Variants in MTA3 observed in about 807,000 individuals in gnomAD.
The protein encoded by MTA3 is metastasis-associated protein MTA3.
A neutral mutation model predicts 83.5 loss-of-function variants in MTA3; 34 were observed. The observed-to-expected ratio is 0.41, with a 90% confidence interval of 0.31 to 0.54. The LOEUF (loss-of-function observed/expected upper bound fraction) is 0.54. Ranked by LOEUF, MTA3 falls within the 20% of genes least tolerant of loss-of-function variation. The pLI is 0.33. For missense variants in MTA3, 761 were observed against 726.4 expected (o/e 1.05, Z -0.55); for synonymous variants, 303 against 252.7 (o/e 1.20, Z -1.89).
At chr2:42,543,543 G>A (rs187424623) in intron 2 of MTA3, among the ~76,000 whole-genome samples, 4 of 152,116 alleles carry the variant, frequency 2.6e-5, no homozygotes, top group Non-Finnish European at 4.4e-5. Flanking sequence ...GGAGAGCAGT[G>A]GCAATTATAG....
chr2:42,510,366 C>T (rs1353660806), intron 2 of MTA3, among the ~76,000 whole-genome samples: 1 of 151,214 alleles, frequency 6.6e-6, no homozygotes, highest in Non-Finnish European at 1.5e-5. Context: ...TGGCCCCAAT[C>T]CTGGGTCAAT....
At chr2:42,596,765 T>C (rs972550208) in intron 3 of MTA3, among the ~76,000 whole-genome samples, 1 of 152,228 alleles carries the variant, frequency 6.6e-6, no homozygotes, top group Non-Finnish European at 1.5e-5. Flanking sequence ...TAATTTGTGG[T>C]CTGGAAGAAT....
chr2:42,505,314 C>T (rs756790368), intron 2 of MTA3, among the ~76,000 whole-genome samples: 4 of 152,130 alleles, frequency 2.6e-5, no homozygotes, highest in Non-Finnish European at 5.9e-5. Flanking sequence ...ATCGCTTGAA[C>T]CTGGTAGGCG....
At chr2:42,695,571 G>A (rs569139427) in intron 9 of MTA3, among the ~76,000 whole-genome samples, 194 bp from the exon 10 acceptor site, 2 of 128,700 alleles carry the variant, frequency 1.6e-5, no homozygotes, top group South Asian at 5.2e-4. Flanking sequence ...GGAAGCGGAG[G>A]TTGCTGTGAG....
At chr2:42,571,163 AGGGG>A (rs1188040520) in intron 2 of MTA3, among the ~76,000 whole-genome samples, 2 of 151,204 alleles carry the variant, frequency 1.3e-5, no homozygotes, top group Non-Finnish European at 3.0e-5. Flanking sequence ...GAGGCCAAGG[AGGGG>A]GTGGATCACT....
At chr2:42,501,593 G>A (rs1371938425) in intron 2 of MTA3, among the ~76,000 whole-genome samples, 3 of 152,130 alleles carry the variant, frequency 2.0e-5, no homozygotes, top group Non-Finnish European at 2.9e-5. Context: ...ATGCAGTAAA[G>A]TCAAACACTG....
At chr2:42,664,157 TGAA>T (rs1158969738) in intron 8 of MTA3, among the ~76,000 whole-genome samples, 1 of 152,178 alleles carries the variant, frequency 6.6e-6, no homozygotes, top group East Asian at 1.9e-4. Flanking sequence ...GAGGCAGCAC[TGAA>T]GAAGATGTGT....
chr2:42,707,874 C>A (rs768352848), intron 12 of MTA3, 29 bp from the exon 13 acceptor site: 8 of 1,485,106 alleles, frequency 5.4e-6, no homozygotes, highest in African/African-American at 1.4e-5. Context: ...TAGCATTTTT[C>A]GTTTTTTCTT....
intron 8 of MTA3, among the ~76,000 whole-genome samples, chr2:42,673,230 A>G (rs1394724551): frequency 6.6e-6 from 1 of 152,140 alleles, no homozygotes; most frequent in East Asian, 1.9e-4. Flanking sequence ...CTGCTTGGAA[A>G]AAAAGAATGT....
At chr2:42,551,930 G>T (rs575316279) in intron 2 of MTA3, among the ~76,000 whole-genome samples, 1 of 152,016 alleles carries the variant, frequency 6.6e-6, no homozygotes, top group African/African-American at 2.4e-5. Context: ...GTTTCACCAT[G>T]TTGGCCAAGA....
intron 9 of MTA3, 27 bp downstream of exon 9, chr2:42,682,616 A>C: frequency 5.1e-6 from 8 of 1,567,564 alleles, no homozygotes; most frequent in Non-Finnish European, 7.0e-6. Context: ...GAGTAAAATA[A>C]AATGTTGAGA....
intron 2 of MTA3, among the ~76,000 whole-genome samples, chr2:42,577,108 AT>A (rs1558451082): frequency 0.018 from 720 of 40,608 alleles, 7 homozygotes; most frequent in African/African-American, 0.046. Flanking sequence ...AAAAAAAAAT[AT>A]ATATATATAT....
chr2:42,639,412 G>C (rs1238996762), intron 4 of MTA3, among the ~76,000 whole-genome samples: 1 of 152,078 alleles, frequency 6.6e-6, no homozygotes, highest in Non-Finnish European at 1.5e-5. Flanking sequence ...ATTTCTATTA[G>C]TTATACGGAT....
At chr2:42,504,226 A>G (rs1674526095) in intron 2 of MTA3, among the ~76,000 whole-genome samples, 1 of 150,544 alleles carries the variant, frequency 6.6e-6, no homozygotes, top group Non-Finnish European at 1.5e-5. Context: ...TACCACACCC[A>G]GCCATGAACC....
chr2:42,497,742 C>T (rs140069698), intron 2 of MTA3, among the ~76,000 whole-genome samples: 120 of 152,204 alleles, frequency 7.9e-4, no homozygotes, highest in African/African-American at 2.7e-3. Flanking sequence ...TACCTACATC[C>T]AAAGGGGTAA....
At chr2:42,738,476 C>T (rs6743490) in intron 16 of MTA3, among the ~76,000 whole-genome samples, 83,264 of 152,032 alleles carry the variant, frequency 0.55, 23,489 homozygotes, top group Middle Eastern at 0.67. Context: ...GTCTTTACTT[C>T]AATCTCTTAA....
intron 4 of MTA3, among the ~76,000 whole-genome samples, chr2:42,615,201 G>T (rs922566017): frequency 6.6e-6 from 1 of 151,030 alleles, no homozygotes; most frequent in African/African-American, 2.4e-5. Flanking sequence ...TGAGGCAGGA[G>T]AATTGCTTGA....
intron 4 of MTA3, among the ~76,000 whole-genome samples, chr2:42,639,130 G>A (rs1687470065): frequency 6.7e-6 from 1 of 149,398 alleles, no homozygotes; most frequent in Non-Finnish European, 1.5e-5. Context: ...GCACGATCTC[G>A]GCTCACTGCA....
At chr2:42,506,622 T>C (rs1176284307) in intron 2 of MTA3, among the ~76,000 whole-genome samples, 5 of 59,724 alleles carry the variant, frequency 8.4e-5, no homozygotes, top group Admixed American at 2.1e-4. Context: ...TTACTTATTA[T>C]TATTATTTAT....
Sources: allele counts gnomAD v4.1 joint callset (sites outside exome capture counted in the v4.1 genomes callset), GRCh38; gene constraint gnomAD v4.1.1; transcripts MANE v1.5; gene names NCBI Gene and HGNC (gene_info 2026-07-23, HGNC 2026-07-21).